KNL1: variants seen among roughly 807,000 people sequenced by gnomAD.
KNL1 encodes the protein outer kinetochore KNL1 complex subunit KNL1.
In KNL1, 66 loss-of-function variants were observed where a neutral mutation model predicts 201.3. That is an observed-to-expected ratio of 0.33 (90% confidence interval 0.27 to 0.40). KNL1 has a LOEUF of 0.40. KNL1 is among the 10% of genes least tolerant of loss of function. The pLI is 1.00. For synonymous variants in KNL1, 895 were observed against 899.2 expected (o/e 1.00, Z 0.08); for missense variants, 2,815 against 2,690.5 (o/e 1.05, Z -1.02).
chr15:40,644,688 C>G (rs1893333720), intron 14 of KNL1, among the ~76,000 whole-genome samples: 1 of 152,174 alleles, frequency 6.6e-6, no homozygotes, highest in African/African-American at 2.4e-5. Context: ...TAGAGAATAG[C>G]GATGACTTTT....
intron 4 of KNL1, among the ~76,000 whole-genome samples, chr15:40,608,525 C>CCCGGCT (rs1892048963): frequency 6.6e-6 from 1 of 151,206 alleles, no homozygotes; most frequent in Non-Finnish European, 1.5e-5. Context: ...GTGGGCCGAT[C>CCCGGCT]ACCTGAGGTC....
chr15:40,660,664 CAAA>C (rs35985022), intron 25 of KNL1, among the ~76,000 whole-genome samples: 4 of 88,812 alleles, frequency 4.5e-5, no homozygotes, highest in South Asian at 4.2e-4. Context: ...AACTCCGTCT[CAAA>C]AAAAAAAAAA....
At chr15:40,627,287 G>A (rs1043191561) in intron 10 of KNL1, among the ~76,000 whole-genome samples, 2 of 152,202 alleles carry the variant, frequency 1.3e-5, no homozygotes, top group African/African-American at 4.8e-5. Context: ...GGCCAGGGCA[G>A]GTTGATCACG....
chr15:40,657,614 C>G (rs1595950697), intron 24 of KNL1, 141 bp downstream of exon 24: 1 of 580,412 alleles, frequency 1.7e-6, no homozygotes, highest in East Asian at 2.8e-5. Flanking sequence ...CTGTCCATGC[C>G]TTCTCCCAGT....
At chr15:40,656,486 C>G (rs1893737366) in intron 22 of KNL1, among the ~76,000 whole-genome samples, 1 of 152,038 alleles carries the variant, frequency 6.6e-6, no homozygotes, top group African/African-American at 2.4e-5. Flanking sequence ...ACATGTAAAC[C>G]CACACTCTTA....
At chr15:40,645,841 A>G (rs114624916) in intron 16 of KNL1, 69 bp downstream of exon 16, 2 of 802,600 alleles carry the variant, frequency 2.5e-6, no homozygotes, top group South Asian at 2.2e-5. Context: ...GTTATAGAAT[A>G]TGAAGAATCT....
intron 7 of KNL1, among the ~76,000 whole-genome samples, chr15:40,614,189 A>G (rs1023627055): frequency 7.2e-6 from 1 of 138,698 alleles, no homozygotes; most frequent in Non-Finnish European, 1.6e-5. Context: ...CCTCCGCCTC[A>G]TGGGTTCAAG....
chr15:40,621,980 G>A lies in KNL1; in HGVS notation c.1716G>A (p.Met572Ile), dbSNP rs781322214. 1.4e-5 allele frequency: 22 copies of A among 1,613,832 alleles called. No individual in the cohort carries two copies. Among genetic ancestry groups the A allele is most frequent in the Non-Finnish European group, 1.6e-5 (19 of 1,179,922 alleles). Reference protein sequence around the residue: ...RKTELLSGENMDLTESHTSNL... With the variant: ...RKTELLSGENIDLTESHTSNL... The stretch of plus-strand genomic sequence containing the variant: ...CTGAACTCTTATCAGGTGAAAATAT[G>A]GATTTGACTGAAAGTCACACAAGTA... The change falls in exon 10 of 26, where the codon ATG (methionine) becomes ATA (isoleucine). Residue 572 changes from methionine to isoleucine, a missense_variant. Met to Ile is a conservative substitution (Grantham distance 10). Coordinates refer to ENST00000399668, the MANE Select transcript of KNL1 (RefSeq NM_144508.5).
intron 13 of KNL1, among the ~76,000 whole-genome samples, chr15:40,637,255 A>G (rs1893083288): frequency 6.8e-6 from 1 of 147,022 alleles, no homozygotes; most frequent in Non-Finnish European, 1.5e-5. Context: ...TGAAGAAACC[A>G]GGTTTTTCTG....
intron 15 of KNL1, among the ~76,000 whole-genome samples, chr15:40,645,362 A>G (rs1193800075): frequency 6.6e-6 from 1 of 152,202 alleles, no homozygotes; most frequent in Non-Finnish European, 1.5e-5. Flanking sequence ...GACGAAGAAA[A>G]GATTTACTTT....
intron 10 of KNL1, among the ~76,000 whole-genome samples, chr15:40,626,649 G>T (rs11852506): frequency 0.025 from 3,660 of 148,832 alleles, 61 homozygotes; most frequent in Non-Finnish European, 0.037. Flanking sequence ...GCGCGATCTC[G>T]GCTCACTGCA....
chr15:40,622,111 C>T lies in KNL1; in HGVS notation c.1847C>T (p.Thr616Ile), dbSNP rs774133634. 2 of 1,614,002 alleles carry T rather than the reference C, an allele frequency of 1.2e-6. No individual in the cohort carries two copies. The highest frequency in any genetic ancestry group is 1.3e-5 in the African/African-American group (1 of 75,020). Residue 616 changes from threonine (T) to isoleucine (I), a missense_variant, in exon 10 of 26, where the codon ACC becomes ATC. Transcript: ENST00000399668. ...TCTTCAGATGAATGTGAAGAAATTA[C>T]CAAAAGTCGTAATGAACCATTTCAG... Reference protein sequence around the residue: ...KSSSDECEEITKSRNEPFQRS... With the variant: ...KSSSDECEEIIKSRNEPFQRS...
chr15:40,594,537 C>A (rs747387038), intron 1 of KNL1, 145 bp downstream of exon 1: 1 of 152,372 alleles, frequency 6.6e-6, no homozygotes, highest in African/African-American at 2.4e-5. Context: ...GACGCCCCTG[C>A]CCCGGGCCGG....
At chr15:40,606,496 T>C (rs770466049) in intron 4 of KNL1, 44 bp downstream of exon 4, 84 of 1,105,562 alleles carry the variant, frequency 7.6e-5, no homozygotes, top group Non-Finnish European at 9.3e-5. Context: ...TATTTTCAGT[T>C]ATATTTTTAA....
At position 40,625,393 on chromosome 15, in the gene KNL1, A is replaced by G. The variant is rs1292983958; in HGVS notation, c.5129A>G (p.Tyr1710Cys). Residue 1710 changes from tyrosine to cysteine, a missense_variant, in exon 10 of 26, where the codon TAT (tyrosine) becomes TGT (cysteine). Tyr to Cys is a radical substitution (Grantham distance 194). Coordinates refer to ENST00000399668, the MANE Select transcript of KNL1 (RefSeq NM_144508.5). The stretch of plus-strand genomic sequence containing the variant: ...AAACTGAACCTAAGTCCTTCTCAAT[A>G]TATAAATGAGGAAAATCTTCCTGTA... ...AGKLNLSPSQYINEENLPVYP... is the reference protein window; with the variant it reads ...AGKLNLSPSQCINEENLPVYP... The G allele has an allele frequency of 3.7e-6, 6 of 1,613,782 alleles. No homozygotes were observed. The highest frequency in any genetic ancestry group is 3.3e-5 in the Admixed American group (2 of 59,934).
At chr15:40,605,501 G>T (rs1891942711) in intron 3 of KNL1, among the ~76,000 whole-genome samples, 2 of 152,212 alleles carry the variant, frequency 1.3e-5, no homozygotes, top group Non-Finnish European at 2.9e-5. Flanking sequence ...GCCCAGGCTG[G>T]AGCGCAGTGG....
Position 40,608,849 on chromosome 15 carries a change from A to G in KNL1, c.138A>G (p.Glu46=). 6.2e-7 allele frequency: 1 copy of G among 1,606,032 alleles called. No homozygotes were observed. Among genetic ancestry groups the G allele is most frequent in the Non-Finnish European group, 8.5e-7 (1 of 1,173,208 alleles). The change falls in exon 5 of 26, where the codon GAA becomes GAG. Residue 46 remains glutamate (E), a splice_region_variant and synonymous_variant. Transcript: ENST00000399668. ...DLRGGNERVQ[E]SNALRNKKNS... The stretch of plus-strand genomic sequence containing the variant: ...TACCATATATTCTCTGCCCTTAGGA[A>G]TCCAATGCTTTGAGAAATAAGAAAA...
intron 8 of KNL1, chr15:40,616,034 G>C (rs1892332697): frequency 6.6e-6 from 1 of 151,472 alleles, no homozygotes; most frequent in Admixed American, 6.6e-5. Context: ...CAAAGTGCTG[G>C]GATTACAGGT....
chr15:40,612,970 A>T (rs1046946900), intron 7 of KNL1, among the ~76,000 whole-genome samples: 1 of 152,206 alleles, frequency 6.6e-6, no homozygotes, highest in East Asian at 1.9e-4. Context: ...TCTGGAAATT[A>T]TCTCACCAAT....
Sources: allele counts gnomAD v4.1 joint callset (sites outside exome capture counted in the v4.1 genomes callset), GRCh38; gene constraint gnomAD v4.1.1; transcripts MANE v1.5; gene names NCBI Gene and HGNC (gene_info 2026-07-23, HGNC 2026-07-21).